The following GPHN variants were observed in gnomAD, a reference collection of about 807,000 sequenced individuals.
The protein encoded by GPHN is gephyrin.
In GPHN, 17 loss-of-function variants were observed where a neutral mutation model predicts 95.5. The observed-to-expected ratio is 0.18, with a 90% CI of 0.12 to 0.27. GPHN has a LOEUF of 0.27. GPHN is among the 10% of genes least tolerant of loss of function. The pLI is 1.00. For missense variants in GPHN, 660 were observed against 978.1 expected, an observed-to-expected ratio of 0.67 and a Z score of 4.34; for synonymous variants, 320 against 322.5, an observed-to-expected ratio of 0.99 and a Z score of 0.08.
intron 2 of GPHN, among the ~76,000 whole-genome samples, chr14:66,748,567 G>T (rs990997815): frequency 6.6e-6 from 1 of 151,848 alleles, no homozygotes; most frequent in Non-Finnish European, 1.5e-5. Flanking sequence ...TTCACTGTTG[G>T]TGTTGTATAT....
chr14:66,683,178 GTT>G lies in GPHN; in HGVS notation c.143+1995_143+1996del, dbSNP rs1298180345. 1.0e-4 allele frequency among the ~76,000 whole-genome samples: 15 copies of G among 150,700 alleles called. No homozygotes were observed. In the East Asian group the frequency reaches 2.8e-3, roughly 28 times the overall value. ...GAATGTCAGCATTCATGGAGAAAGA[GTT>G]TGTTTTTACTCCTGCCTGCTTGGCT... On this transcript the variant is annotated intron_variant, in intron 2 of 22. Transcript: ENST00000478722.
the GPHN span, among the ~76,000 whole-genome samples, chr14:67,548,204 C>T: frequency 6.6e-6 from 1 of 152,284 alleles, no homozygotes; most frequent in African/African-American, 2.4e-5. Flanking sequence ...AAATGTGATT[C>T]TTCCTTGGAC....
At chr14:67,106,681 T>C (rs2078057694) in intron 13 of GPHN, among the ~76,000 whole-genome samples, 1 of 152,214 alleles carries the variant, frequency 6.6e-6, no homozygotes, top group African/African-American at 2.4e-5. Flanking sequence ...TCTCTATCTT[T>C]GTTGAATTTA....
intron 1 of GPHN, among the ~76,000 whole-genome samples, chr14:66,618,505 G>C (rs546706092): frequency 2.6e-5 from 4 of 152,238 alleles, no homozygotes; most frequent in African/African-American, 9.6e-5. Flanking sequence ...TTGCATTTGA[G>C]GGATAGTATC....
intron 4 of GPHN, among the ~76,000 whole-genome samples, chr14:66,848,125 T>C (rs2062414857): frequency 6.6e-6 from 1 of 152,112 alleles, no homozygotes; most frequent in African/African-American, 2.4e-5. Context: ...CTTAGAATGC[T>C]TTTTAGATTT....
In GPHN at chr14:67,155,437, G is replaced by A. The variant is rs772612040; in HGVS notation, c.1837-3978G>A. Among the ~76,000 whole-genome samples, 112 of 152,168 alleles carry A rather than the reference G, an allele frequency of 7.4e-4. 1 individual carries two copies. The highest frequency in any genetic ancestry group is 2.2e-3 in the Admixed American group (33 of 15,284). On this transcript the variant is annotated intron_variant, in intron 18 of 22. Transcript: ENST00000478722. The stretch of plus-strand genomic sequence containing the variant: ...AGCAAAATGACTAAAAATTAAGATA[G>A]GAAACAATTGATAAAGTAGACCTAA...
the GPHN span, among the ~76,000 whole-genome samples, chr14:67,398,551 T>G: frequency 6.6e-4 from 92 of 139,834 alleles, no homozygotes; most frequent in Admixed American, 2.6e-3. Context: ...CCAACTAAAC[T>G]ACCCTTCTCT....
chr14:67,501,633 TC>T, the GPHN span, among the ~76,000 whole-genome samples: 1 of 152,144 alleles, frequency 6.6e-6, no homozygotes, highest in South Asian at 2.1e-4. Flanking sequence ...TGAGGCAGGG[TC>T]CCAGGTGAGG....
intron 5 of GPHN, among the ~76,000 whole-genome samples, chr14:66,913,420 C>A (rs2065766050): frequency 6.6e-6 from 1 of 152,146 alleles, no homozygotes. Flanking sequence ...CTGCTCATTG[C>A]AACCTCCGCC....
chr14:67,420,980 A>C, the GPHN span, among the ~76,000 whole-genome samples: 1 of 152,332 alleles, frequency 6.6e-6, no homozygotes, highest in East Asian at 1.9e-4. Flanking sequence ...TCAAGCTCTG[A>C]GATGAGGATG....
chr14:67,279,470 T>A, the GPHN span: 2 of 1,609,150 alleles, frequency 1.2e-6, no homozygotes, highest in South Asian at 1.1e-5. Context: ...CCGGAATAGA[T>A]AACCCTATGT....
intron 11 of GPHN, among the ~76,000 whole-genome samples, chr14:67,076,968 C>T (rs116940884): frequency 0.012 from 1,832 of 152,272 alleles, 19 homozygotes; most frequent in Non-Finnish European, 0.018. Context: ...TTAGAGCTAA[C>T]TACACAGGGA....
At chr14:67,123,873 T>C (rs1372858355) in intron 17 of GPHN, among the ~76,000 whole-genome samples, 2 of 152,168 alleles carry the variant, frequency 1.3e-5, no homozygotes, top group South Asian at 2.1e-4. Flanking sequence ...ACAATTCTTC[T>C]TCTGATGTGG....
At chr14:66,809,268 T>G (rs530483837) in intron 3 of GPHN, among the ~76,000 whole-genome samples, 1 of 152,254 alleles carries the variant, frequency 6.6e-6, no homozygotes, top group South Asian at 2.1e-4. Context: ...TGGAAAGTAC[T>G]GGGGGTATAT....
intron 13 of GPHN, among the ~76,000 whole-genome samples, chr14:67,102,713 A>T (rs2077783075): frequency 6.6e-6 from 1 of 152,172 alleles, no homozygotes; most frequent in Admixed American, 6.5e-5. Context: ...ATAAATAATA[A>T]TTTTTAAAAT....
chr14:67,579,619 G>C, the GPHN span: 2 of 1,157,336 alleles, frequency 1.7e-6, no homozygotes, highest in African/African-American at 3.1e-5. Flanking sequence ...TTTTGTATTT[G>C]CCCTTGCTCC....
intron 2 of GPHN, among the ~76,000 whole-genome samples, chr14:66,772,564 T>A (rs1299446253): frequency 2.0e-5 from 3 of 152,200 alleles, no homozygotes; most frequent in African/African-American, 7.2e-5. Flanking sequence ...GAAACATCAT[T>A]TCTTCTTGTC....
At chr14:67,143,569 A>C (rs1203232034) in intron 18 of GPHN, 120 bp downstream of exon 18, 1 of 760,766 alleles carries the variant, frequency 1.3e-6, no homozygotes, top group Non-Finnish European at 2.4e-6. Context: ...CTGAAAATCC[A>C]TGGGGCTTCA....
the GPHN span, chr14:67,587,162 A>G: frequency 6.2e-7 from 1 of 1,613,898 alleles, no homozygotes; most frequent in Non-Finnish European, 8.5e-7. Flanking sequence ...GGAGCCTGCC[A>G]GCTGTGGGAA....
Sources: allele counts gnomAD v4.1 joint callset (sites outside exome capture counted in the v4.1 genomes callset), GRCh38; gene constraint gnomAD v4.1.1; transcripts MANE v1.5; gene names NCBI Gene and HGNC (gene_info 2026-07-23, HGNC 2026-07-21).